The following KLHDC4 variants were observed in gnomAD, a reference collection of about 807,000 sequenced individuals.
KLHDC4 encodes the protein kelch domain-containing protein 4.
Under a neutral mutation model 62.4 loss-of-function variants are expected in KLHDC4, and 90 were observed. That is an observed-to-expected ratio of 1.44 (90% CI 1.22 to 1.72). KLHDC4 has a LOEUF of 1.72. Ranked by LOEUF, KLHDC4 falls within the 40% of genes most tolerant of loss-of-function variation. KLHDC4 has a pLI of 0.00. For synonymous variants in KLHDC4, 386 were observed against 284.4 expected (o/e 1.36, Z -3.59); for missense variants, 1,025 against 699.7 (o/e 1.47, Z -5.25).
downstream of KLHDC4, chr16:87,703,058 T>G (rs1196179805): frequency 6.6e-6 from 1 of 152,266 alleles, no homozygotes; most frequent in Non-Finnish European, 1.5e-5. Flanking sequence ...GTGTGACACT[T>G]TGGAACGCTT....
At chr16:87,721,534 A>AGACAACCTGC (rs1262766050) in intron 7 of KLHDC4, among the ~76,000 whole-genome samples, 1 of 151,642 alleles carries the variant, frequency 6.6e-6, no homozygotes, top group Non-Finnish European at 1.5e-5. Context: ...AGACAAGCTG[A>AGACAACCTGC]GACAACCTGC....
At chr16:87,729,315 G>A (rs985174627) in intron 6 of KLHDC4, 1 of 152,202 alleles carries the variant, frequency 6.6e-6, no homozygotes, top group Middle Eastern at 3.2e-3. Context: ...CTCACCATGT[G>A]ACAAAGGTGT....
intron 5 of KLHDC4, among the ~76,000 whole-genome samples, chr16:87,734,394 G>T (rs550533807): frequency 6.6e-6 from 1 of 152,074 alleles, no homozygotes; most frequent in Non-Finnish European, 1.5e-5. Context: ...AACGTAAAAG[G>T]AAGCTTGAGT....
At chr16:87,747,789 GA>G (rs1214203108) in intron 5 of KLHDC4, 1 of 152,324 alleles carries the variant, frequency 6.6e-6, no homozygotes, top group Non-Finnish European at 1.5e-5. Flanking sequence ...CCAAACTCCA[GA>G]AAACACCCGG....
At chr16:87,735,171 G>C (rs1462614666) in intron 5 of KLHDC4, among the ~76,000 whole-genome samples, 1 of 151,924 alleles carries the variant, frequency 6.6e-6, no homozygotes. Context: ...ATGGTGGCGG[G>C]CGCCTGTAGT....
chr16:87,701,490 C>T (rs773624514), exon 1 of KLHDC4: 1 of 355,494 alleles, frequency 2.8e-6, no homozygotes, highest in Non-Finnish European at 5.6e-6. Context: ...CAGCTTGTTC[C>T]CAAGCCTAGG....
chr16:87,699,314 A>G (rs1402652479), exon 1 of KLHDC4: 2 of 152,268 alleles, frequency 1.3e-5, no homozygotes, highest in Non-Finnish European at 2.9e-5. Flanking sequence ...TGGATCTAGA[A>G]CCATTACCTC....
In KLHDC4 at chr16:87,709,484, G is replaced by T; in HGVS notation, c.1228C>A (p.Gln410Lys). The T allele has an allele frequency of 1.2e-6, 2 of 1,610,652 alleles. No individual in the cohort carries two copies. The highest frequency in any genetic ancestry group is 1.7e-6 in the Non-Finnish European group (2 of 1,179,692). Reference sequence around the variant, plus strand: ...CTGTCTTCGTCCTCAGACCGGGGCTGCCCCGCCGAGCCTGGCGCGGTGAGC... The same window carrying T: ...CTGTCTTCGTCCTCAGACCGGGGCTTCCCCGCCGAGCCTGGCGCGGTGAGC... ...QVLTAPGSAG[Q>K]PRSEDEDSLE... is the part of the protein sequence containing the mutation. The change falls in exon 10 of 12, where the codon CAG becomes AAG. Residue 410 changes from glutamine (Q) to lysine (K), a missense_variant. By Grantham distance (53) the Gln-to-Lys change is moderately conservative. Transcript: ENST00000270583.
chr16:87,761,098 A>G (rs2045822377), intron 2 of KLHDC4, among the ~76,000 whole-genome samples: 1 of 152,214 alleles, frequency 6.6e-6, no homozygotes, highest in South Asian at 2.1e-4. Context: ...CAACATGCAA[A>G]CTAAAGGGAA....
At chr16:87,756,499 G>T in intron 2 of KLHDC4, 22 bp from the exon 3 acceptor site, 1 of 1,597,222 alleles carries the variant, frequency 6.3e-7, no homozygotes, top group East Asian at 2.2e-5. Flanking sequence ...ACAAGCGGCA[G>T]GTCAGCAAGA....
chr16:87,746,424 C>T (rs1160960334), intron 5 of KLHDC4, among the ~76,000 whole-genome samples: 1 of 151,958 alleles, frequency 6.6e-6, no homozygotes, highest in African/African-American at 2.4e-5. Context: ...AAAGATTAAG[C>T]GCACACCCTC....
chr16:87,735,472 C>A (rs1006296355), intron 5 of KLHDC4, among the ~76,000 whole-genome samples: 3 of 152,234 alleles, frequency 2.0e-5, no homozygotes, highest in Non-Finnish European at 4.4e-5. Context: ...GCTGCCCTAA[C>A]TGCGCTGGGG....
intron 7 of KLHDC4, among the ~76,000 whole-genome samples, chr16:87,716,699 G>C (rs114418537): frequency 6.6e-6 from 1 of 152,034 alleles, no homozygotes; most frequent in Admixed American, 6.5e-5. Flanking sequence ...AGGAGGCCGA[G>C]GGGGGTAGAC....
chr16:87,720,099 G>A (rs1374199583), intron 7 of KLHDC4, among the ~76,000 whole-genome samples: 10 of 152,214 alleles, frequency 6.6e-5, no homozygotes, highest in South Asian at 6.2e-4. Flanking sequence ...CTCAGACGCC[G>A]ACCCATTTCA....
At chr16:87,713,081 G>C (rs1365028909) in intron 8 of KLHDC4, among the ~76,000 whole-genome samples, 2 of 152,170 alleles carry the variant, frequency 1.3e-5, no homozygotes, top group Admixed American at 6.5e-5. Flanking sequence ...GCCTAGGCTG[G>C]AGTGCAGTGG....
At chr16:87,703,148 G>A (rs557124225), downstream of KLHDC4, 4 of 152,340 alleles carry the variant, frequency 2.6e-5, no homozygotes, top group East Asian at 1.9e-4. Context: ...AGAGCTAGTC[G>A]GCACGTGGAG....
intron 8 of KLHDC4, among the ~76,000 whole-genome samples, chr16:87,712,519 C>CTGA (rs2142946575): frequency 6.6e-6 from 1 of 152,356 alleles, no homozygotes; most frequent in South Asian, 2.1e-4. Flanking sequence ...CTCCTGGGGG[C>CTGA]TGACGAGCAG....
chr16:87,734,192 G>A (rs776961158), intron 5 of KLHDC4, among the ~76,000 whole-genome samples: 3 of 148,222 alleles, frequency 2.0e-5, no homozygotes, highest in Non-Finnish European at 4.4e-5. Context: ...TAAAAATACA[G>A]TAATTAGCTT....
rs543537500 is a variant in KLHDC4 at position 87,721,043 on chromosome 16, G to A, written c.759+5722C>T. Among the ~76,000 whole-genome samples, 194 of 152,244 alleles carry A rather than the reference G, an allele frequency of 1.3e-3. 1 individual carries two copies. The highest frequency in any genetic ancestry group is 2.1e-3 in the Non-Finnish European group (141 of 68,016). On this transcript the variant is annotated intron_variant, in intron 7 of 11. Coordinates refer to ENST00000270583, the MANE Select transcript of KLHDC4 (RefSeq NM_017566.4). ...CACATCCGAGACCACCTTCTTAACGGCCAACGGCCACTCAACCCCCCACAG... is the reference window on the plus strand; with the variant it reads ...CACATCCGAGACCACCTTCTTAACGACCAACGGCCACTCAACCCCCCACAG...
Sources: gnomAD v4.1 joint callset for allele counts (sites outside exome capture counted in the v4.1 genomes callset) on GRCh38, gnomAD v4.1.1 for gene constraint, MANE v1.5 for transcripts, NCBI Gene and HGNC (gene_info 2026-07-23, HGNC 2026-07-21) for gene names.